Variants in ZFHX3 observed in about 807,000 individuals in gnomAD.
ZFHX3 encodes zinc finger homeobox 3.
A neutral mutation model predicts 279.1 loss-of-function variants in ZFHX3; 42 were observed. That is an observed-to-expected ratio of 0.15 (90% confidence interval 0.12 to 0.19). ZFHX3 has a LOEUF of 0.19. Among genes scored for constraint, ZFHX3 ranks in the 10% least tolerant of loss-of-function variants. The pLI, the probability that ZFHX3 is intolerant of heterozygous loss-of-function variation, is 1.00. For missense variants in ZFHX3, 4,981 were observed against 4,754.0 expected (o/e 1.05, Z -1.40); for synonymous variants, 2,293 against 1,957.8 (o/e 1.17, Z -4.52).
chr16:72,898,457 A>T (rs1484521242), intron 3 of ZFHX3, among the ~76,000 whole-genome samples: 3 of 152,170 alleles, frequency 2.0e-5, no homozygotes, highest in Non-Finnish European at 4.4e-5. Flanking sequence ...ACATTTCCTG[A>T]TTCAAAATTC....
chr16:73,045,132 G>A (rs532765188), intron 1 of ZFHX3, among the ~76,000 whole-genome samples: 1 of 152,158 alleles, frequency 6.6e-6, no homozygotes, highest in Admixed American at 6.5e-5. Flanking sequence ...TTTGTAGGTG[G>A]AAGAAAAAAA....
intron 5 of ZFHX3, among the ~76,000 whole-genome samples, chr16:73,241,167 G>A (rs73597384): frequency 0.018 from 2,722 of 152,298 alleles, 98 homozygotes; most frequent in African/African-American, 0.062. Context: ...GATGACTCAC[G>A]TTAGGCACCT....
intron 8 of ZFHX3, among the ~76,000 whole-genome samples, chr16:73,085,885 G>GA (rs890403557): frequency 3.7e-5 from 5 of 133,356 alleles, no homozygotes; most frequent in Non-Finnish European, 6.2e-5. Context: ...TTAGCAAAGT[G>GA]AAAAAACAAC....
At chr16:73,071,456 T>TCTG (rs749188404) in intron 8 of ZFHX3, among the ~76,000 whole-genome samples, 175 of 150,708 alleles carry the variant, frequency 1.2e-3, no homozygotes, top group Middle Eastern at 3.4e-3. Flanking sequence ...TGGTCTTTTC[T>TCTG]CTGCTGCTGC....
intron 5 of ZFHX3, among the ~76,000 whole-genome samples, chr16:73,162,506 G>A (rs1192681932): frequency 1.3e-5 from 2 of 152,168 alleles, no homozygotes; most frequent in Admixed American, 6.5e-5. Context: ...CACAATAAAT[G>A]TAATGTAATG....
chr16:72,882,431 C>T (rs535564992), intron 4 of ZFHX3, among the ~76,000 whole-genome samples: 118 of 152,256 alleles, frequency 7.8e-4, no homozygotes, highest in South Asian at 4.1e-4. Flanking sequence ...AATAACGCAA[C>T]GAATGAATGG....
intron 2 of ZFHX3, among the ~76,000 whole-genome samples, chr16:73,595,867 T>C (rs2052043898): frequency 1.3e-5 from 2 of 152,266 alleles, no homozygotes; most frequent in East Asian, 1.9e-4. Context: ...CTGCATCCCA[T>C]CTATCCCAAA....
intron 2 of ZFHX3, among the ~76,000 whole-genome samples, chr16:73,674,825 A>C (rs559832856): frequency 6.6e-6 from 1 of 152,288 alleles, no homozygotes; most frequent in South Asian, 2.1e-4. Context: ...ATCAGGAAAA[A>C]AACAGCCCCA....
At chr16:73,339,906 A>G (rs1423647584) in intron 3 of ZFHX3, among the ~76,000 whole-genome samples, 1 of 152,232 alleles carries the variant, frequency 6.6e-6, no homozygotes, top group East Asian at 1.9e-4. Context: ...TGGCATTTAT[A>G]TGATTCAGCA....
chr16:73,576,418 C>T (rs779757801), intron 2 of ZFHX3, among the ~76,000 whole-genome samples: 5 of 152,186 alleles, frequency 3.3e-5, no homozygotes, highest in Non-Finnish European at 7.3e-5. Context: ...TATGCATCAC[C>T]AAAGGATCTG....
At chr16:72,974,022 T>A (rs76386002) in intron 1 of ZFHX3, among the ~76,000 whole-genome samples, 1,681 of 152,304 alleles carry the variant, frequency 0.011, 36 homozygotes, top group East Asian at 0.098. Context: ...TAAGTTCCTA[T>A]TAGGTAGCTC....
rs970386757 is a variant in ZFHX3 at position 72,787,214 on chromosome 16, G to A, written c.11062C>T (p.Pro3688Ser). The change falls in exon 10 of 10, where the codon CCC becomes TCC. Residue 3688 changes from proline (P) to serine (S), a missense_variant. Physicochemically the swap from Pro to Ser is moderately conservative, Grantham distance 74. This residue lies in a region of ZFHX3 where 1,034 missense variants were observed against 786.0 expected (regional missense o/e 1.32). Transcript: ENST00000268489. ...ACACTGGTCAGACCACTGTCCTTGG[G>A]GCAGCTGGGGTCTTTGGGACCCTCC... is the stretch of plus-strand genomic sequence containing the variant. Reference protein sequence around the residue: ...PVEGPKDPSCPKDSGLTSVGT... With the variant: ...PVEGPKDPSCSKDSGLTSVGT... 2 of 1,613,718 alleles carry A rather than the reference G, an allele frequency of 1.2e-6. No homozygotes were observed. The highest frequency in any genetic ancestry group is 1.3e-5 in the African/African-American group (1 of 74,806).
chr16:73,480,807 C>G (rs1311437816), intron 2 of ZFHX3, among the ~76,000 whole-genome samples: 1 of 152,170 alleles, frequency 6.6e-6, no homozygotes, highest in African/African-American at 2.4e-5. Flanking sequence ...TTTATCTACA[C>G]ACATTGGCCC....
At chr16:73,397,079 C>T (rs1051257049) in intron 3 of ZFHX3, among the ~76,000 whole-genome samples, 4 of 152,198 alleles carry the variant, frequency 2.6e-5, no homozygotes, top group African/African-American at 4.8e-5. Flanking sequence ...TATCCAGCTG[C>T]TCTATTTGGG....
At chr16:73,448,439 C>T (rs2018224804) in intron 3 of ZFHX3, among the ~76,000 whole-genome samples, 1 of 151,808 alleles carries the variant, frequency 6.6e-6, no homozygotes, top group South Asian at 2.1e-4. Flanking sequence ...ACTAAAATGT[C>T]ATTATAGAAC....
At chr16:73,771,169 AC>A in intron 1 of ZFHX3, among the ~76,000 whole-genome samples, 1 of 152,320 alleles carries the variant, frequency 6.6e-6, no homozygotes, top group Non-Finnish European at 1.5e-5. Context: ...TCCTTAGAAA[AC>A]AGGCAAGGGG....
At chr16:73,031,984 G>A (rs1024921150) in intron 1 of ZFHX3, among the ~76,000 whole-genome samples, 2 of 151,772 alleles carry the variant, frequency 1.3e-5, no homozygotes, top group Admixed American at 1.3e-4. Flanking sequence ...GCTCCTGAGA[G>A]CCCCTAAAGA....
chr16:72,792,608 C>T (rs2035750083), intron 9 of ZFHX3, among the ~76,000 whole-genome samples: 1 of 152,156 alleles, frequency 6.6e-6, no homozygotes. Context: ...CATACCACCA[C>T]ACTTGGGTAA....
At chr16:73,790,058 T>C (rs1175080454) in intron 1 of ZFHX3, among the ~76,000 whole-genome samples, 1 of 152,150 alleles carries the variant, frequency 6.6e-6, no homozygotes, top group Non-Finnish European at 1.5e-5. Flanking sequence ...AAAAATTTGC[T>C]CCAGGCTGAA....
Sources: gnomAD v4.1 joint callset for allele counts (sites outside exome capture counted in the v4.1 genomes callset) on GRCh38, gnomAD v4.1.1 for gene constraint, gnomAD v4.1.1 regional missense constraint, MANE v1.5 for transcripts, NCBI Gene and HGNC (gene_info 2026-07-23, HGNC 2026-07-21) for gene names.